FAM83B: variants seen among roughly 807,000 people sequenced by gnomAD.
FAM83B encodes the protein protein FAM83B.
A neutral mutation model predicts 38.8 loss-of-function variants in FAM83B; 26 were observed. The ratio of observed to expected loss-of-function variants is 0.67; its 90% CI spans 0.49 to 0.93. The LOEUF is 0.93. Among genes scored for constraint, FAM83B ranks in the 40% least tolerant of loss-of-function variants. The pLI, the probability that FAM83B is intolerant of heterozygous loss-of-function variation, is 0.00. For synonymous variants in FAM83B, 419 were observed against 423.1 expected (o/e 0.99, Z 0.12); for missense variants, 1,237 against 1,197.3 (o/e 1.03, Z -0.49).
At chr6:54,880,437 G>GTT in intron 2 of FAM83B, among the ~76,000 whole-genome samples, 1 of 105,418 alleles carries the variant, frequency 9.5e-6, no homozygotes, top group Non-Finnish European at 2.2e-5. Flanking sequence ...TATATAGAAG[G>GTT]TTTCTTTTTT....
chr6:54,873,507 G>A (rs1329720626), intron 2 of FAM83B, among the ~76,000 whole-genome samples: 1 of 152,058 alleles, frequency 6.6e-6, no homozygotes, highest in Non-Finnish European at 1.5e-5. Context: ...CAGATGTCAT[G>A]CTCTTATTAT....
intron 2 of FAM83B, among the ~76,000 whole-genome samples, chr6:54,921,734 A>G (rs1773178832): frequency 6.6e-6 from 1 of 152,072 alleles, no homozygotes; most frequent in Admixed American, 6.6e-5. Context: ...TATACTAATC[A>G]GGCATATAAT....
At chr6:54,893,767 T>G (rs1391025354) in intron 2 of FAM83B, among the ~76,000 whole-genome samples, 3 of 152,300 alleles carry the variant, frequency 2.0e-5, no homozygotes, top group Non-Finnish European at 4.4e-5. Context: ...TACAAGAACC[T>G]TCTTAAGTTT....
intron 1 of FAM83B, among the ~76,000 whole-genome samples, chr6:54,868,559 A>G (rs2127574757): frequency 6.6e-6 from 1 of 152,328 alleles, no homozygotes; most frequent in Non-Finnish European, 1.5e-5. Context: ...CTTTTATACT[A>G]GCAGACAAGA....
chr6:54,850,944 G>A (rs1771257828), intron 1 of FAM83B, among the ~76,000 whole-genome samples: 1 of 150,738 alleles, frequency 6.6e-6, no homozygotes, highest in South Asian at 2.1e-4. Flanking sequence ...TTTGAACCTG[G>A]GAGGCAGAGC....
rs1772760747 is a variant in FAM83B, at chr6:54,905,616, TTGTG to T, written c.445-20749_445-20746del. The stretch of plus-strand genomic sequence containing the variant: ...AAATTTATTCCTCCTGTCTAAAACT[TTGTG>T]TGTGTAAAAAAGTCTTTACTATTTT... On this transcript the variant is annotated intron_variant, in intron 2 of 4. Coordinates refer to ENST00000306858, the MANE Select transcript of FAM83B (RefSeq NM_001010872.3). Among the ~76,000 whole-genome samples, 11 of 152,278 alleles carry T rather than the reference TTGTG, an allele frequency of 7.2e-5. No homozygotes were observed. The South Asian group carries it at 2.3e-3, about 32-fold the overall frequency.
chr6:54,932,922 T>C (rs987767822), intron 4 of FAM83B, among the ~76,000 whole-genome samples: 1 of 152,198 alleles, frequency 6.6e-6, no homozygotes, highest in African/African-American at 2.4e-5. Context: ...CTGATTATAA[T>C]GTGTCTTGGT....
chr6:54,882,563 G>A (rs1450140628), intron 2 of FAM83B, among the ~76,000 whole-genome samples: 1 of 152,094 alleles, frequency 6.6e-6, no homozygotes, highest in Non-Finnish European at 1.5e-5. Context: ...CTCCAGGCAG[G>A]CTCCATGCAA....
In FAM83B at chr6:54,940,523, G is replaced by A. The variant is rs1357861579; in HGVS notation, c.1552G>A (p.Asp518Asn). ...GGACTCAAATGGATCAGCTTTAGGT[G>A]ACCGATTTGAGGGCTATGATAATCC... ...TPDSNGSALGDRFEGYDNPEN... is the reference protein window; with the variant it reads ...TPDSNGSALGNRFEGYDNPEN... Residue 518 changes from aspartate (D) to asparagine (N), a missense_variant, in exon 5 of 5, where the codon GAC becomes AAC. Physicochemically the swap from Asp to Asn is conservative, Grantham distance 23 (BLOSUM62 1). Coordinates refer to ENST00000306858, the MANE Select transcript of FAM83B (RefSeq NM_001010872.3). 6.2e-7 allele frequency: 1 copy of A among 1,613,940 alleles called. No homozygotes were observed. The highest frequency in any genetic ancestry group is 8.5e-7 in the Non-Finnish European group (1 of 1,180,026).
chr6:54,927,788 T>TCTAA (rs1773336513), intron 4 of FAM83B, among the ~76,000 whole-genome samples, 156 bp downstream of exon 4: 1 of 149,560 alleles, frequency 6.7e-6, no homozygotes, highest in Non-Finnish European at 1.5e-5. Flanking sequence ...AGACCTAGGT[T>TCTAA]TGAGTCATGA....
At chr6:54,925,530 G>T (rs1352510829) in intron 2 of FAM83B, among the ~76,000 whole-genome samples, 1 of 152,052 alleles carries the variant, frequency 6.6e-6, no homozygotes, top group Non-Finnish European at 1.5e-5. Flanking sequence ...GTTCTTTAGG[G>T]CATTTTCCTT....
At chr6:54,889,453 G>T (rs1011158322) in intron 2 of FAM83B, among the ~76,000 whole-genome samples, 2 of 152,032 alleles carry the variant, frequency 1.3e-5, no homozygotes, top group African/African-American at 4.8e-5. Flanking sequence ...CTACCGCAGA[G>T]TATTGGTTCC....
rs1773321273 is a variant in FAM83B at position 54,927,488 on chromosome 6, T to C, written c.610-20T>C. ...TTTTCCTAGCCATAATGTCTGCTTT[T>C]TATTTACATATAATTCTAGAATATT... On this transcript the variant is annotated intron_variant, in intron 3 of 4. Coordinates refer to ENST00000306858, the MANE Select transcript of FAM83B (RefSeq NM_001010872.3). 1 of 1,543,102 alleles carries C rather than the reference T, an allele frequency of 6.5e-7. No individual in the cohort carries two copies. The highest frequency in any genetic ancestry group is 8.8e-7 in the Non-Finnish European group (1 of 1,139,734).
intron 2 of FAM83B, among the ~76,000 whole-genome samples, chr6:54,925,734 A>G (rs1176468884): frequency 2.0e-5 from 3 of 151,992 alleles, no homozygotes; most frequent in Admixed American, 1.3e-4. Flanking sequence ...ACATATATGG[A>G]GGTCCTGCTT....
chr6:54,862,887 C>G (rs940389906), intron 1 of FAM83B, among the ~76,000 whole-genome samples: 2 of 150,396 alleles, frequency 1.3e-5, no homozygotes, highest in Non-Finnish European at 3.0e-5. Context: ...CCAAAAAAAC[C>G]ACGAAAAAAA....
intron 3 of FAM83B, among the ~76,000 whole-genome samples, chr6:54,926,806 C>A (rs1773297164): frequency 6.6e-6 from 1 of 152,064 alleles, no homozygotes; most frequent in Non-Finnish European, 1.5e-5. Context: ...ATTCTCAGCT[C>A]ACTGCTACCT....
intron 2 of FAM83B, among the ~76,000 whole-genome samples, chr6:54,925,554 C>T (rs1773269470): frequency 6.6e-6 from 1 of 152,136 alleles, no homozygotes; most frequent in East Asian, 1.9e-4. Flanking sequence ...AATTATATCA[C>T]CTTTTTAATT....
At chr6:54,879,135 T>A (rs936612049) in intron 2 of FAM83B, among the ~76,000 whole-genome samples, 1 of 152,156 alleles carries the variant, frequency 6.6e-6, no homozygotes, top group Non-Finnish European at 1.5e-5. Context: ...AGCCTTTGGA[T>A]GGTTGATCCG....
At chr6:54,906,439 C>T (rs1040132660) in intron 2 of FAM83B, among the ~76,000 whole-genome samples, 2 of 152,052 alleles carry the variant, frequency 1.3e-5, no homozygotes, top group Admixed American at 6.6e-5. Flanking sequence ...GGCTGGAGTA[C>T]GATGGCATGA....
Sources: gnomAD v4.1 joint callset for allele counts (sites outside exome capture counted in the v4.1 genomes callset) on GRCh38, gnomAD v4.1.1 for gene constraint, MANE v1.5 for transcripts, NCBI Gene and HGNC (gene_info 2026-07-23, HGNC 2026-07-21) for gene names.